The following PWWP2A variants were observed in gnomAD, a reference collection of about 807,000 sequenced individuals.
PWWP2A encodes the protein PWWP domain-containing protein 2A.
In PWWP2A, 18 loss-of-function variants were observed where a neutral mutation model predicts 48.5. The ratio of observed to expected loss-of-function variants is 0.37; its 90% CI spans 0.26 to 0.55. The LOEUF (loss-of-function observed/expected upper bound fraction) is 0.55. Ranked by LOEUF, PWWP2A falls within the 20% of genes least tolerant of loss-of-function variation. PWWP2A has a pLI of 0.81. For missense variants in PWWP2A, 867 were observed against 976.4 expected (o/e 0.89, Z 1.49); for synonymous variants, 396 against 387.7 (o/e 1.02, Z -0.25).
Position 160,077,743 on chromosome 5 carries a change from A to G in PWWP2A, c.*412T>C. The G allele has an allele frequency of 5.8e-6, 1 of 172,134 alleles. No homozygotes were observed. Among genetic ancestry groups the G allele is most frequent in the Non-Finnish European group, 1.3e-5 (1 of 79,620 alleles). The allele number at this position is 172,134 out of a possible 1,614,324, so 10.7% of individuals were successfully genotyped here. A position where few individuals can be genotyped will look rare whatever the true frequency, so the allele number is the denominator to read the frequency against. ...CTGAACTGATTAACCTAAACCTTGG[A>G]GAAAGCACAAAGTTTAAGTATGAAA... On this transcript the variant is annotated 3_prime_UTR_variant, in exon 4 of 4. Coordinates refer to the PWWP2A transcript ENST00000456329. This position sits in a 1 kb window ranked among gnomAD's most constrained non-coding sequence, Gnocchi z 4.2.
intron 2 of PWWP2A, among the ~76,000 whole-genome samples, chr5:160,083,132 C>G (rs983998351): frequency 1.3e-5 from 2 of 152,218 alleles, no homozygotes; most frequent in African/African-American, 4.8e-5. Flanking sequence ...TCTCATCTTA[C>G]AATAGCCCTT....
At chr5:160,070,177 T>C (rs910473303) in intron 2 of PWWP2A, among the ~76,000 whole-genome samples, 2 of 152,176 alleles carry the variant, frequency 1.3e-5, no homozygotes, top group African/African-American at 2.4e-5. Flanking sequence ...ACCATTTTTC[T>C]AAGAACTAGC....
downstream of PWWP2A, among the ~76,000 whole-genome samples, chr5:160,088,713 AT>A (rs1260393100): frequency 2.6e-5 from 4 of 152,184 alleles, no homozygotes; most frequent in African/African-American, 9.6e-5. Context: ...CAAAACATTA[AT>A]TTTTCTAGAC....
chr5:160,075,443 C>A (rs143048707), downstream of PWWP2A, among the ~76,000 whole-genome samples: 319 of 152,214 alleles, frequency 2.1e-3, 4 homozygotes, highest in African/African-American at 7.1e-3. Flanking sequence ...TTCCTGATAA[C>A]CAAGTGTTTC....
the PWWP2A span, among the ~76,000 whole-genome samples, chr5:160,046,112 G>T: frequency 1.3e-5 from 2 of 152,106 alleles, no homozygotes; most frequent in Admixed American, 1.3e-4. Context: ...CCATTTATCT[G>T]ATCCCTTTCA....
intron 1 of PWWP2A, among the ~76,000 whole-genome samples, chr5:160,107,863 T>A: frequency 6.6e-6 from 1 of 152,164 alleles, no homozygotes; most frequent in East Asian, 1.9e-4. Context: ...TAGCCGGATA[T>A]GGTGGCAGGC....
chr5:160,090,645 T>A, downstream of PWWP2A: 1 of 984,908 alleles, frequency 1.0e-6, no homozygotes, highest in Non-Finnish European at 1.2e-6. Context: ...GTCAATAACC[T>A]TAAGAAAGCT....
In PWWP2A at chr5:160,101,125, C is replaced by T. The variant is rs139994025; in HGVS notation, c.585-7060G>A. ...CAGCACTCTGGGAGCCTGAAGCAGG[C>T]AGACTGCTTGAGGCCAGGAGTTCAA... On this transcript the variant is annotated intron_variant, in intron 1 of 1. Coordinates refer to ENST00000307063, the MANE Select transcript of PWWP2A (RefSeq NM_001130864.2). 5.4e-3 allele frequency among the ~76,000 whole-genome samples: 818 copies of T among 152,172 alleles called. 4 individuals carry two copies. The highest frequency in any genetic ancestry group is 9.5e-3 in the Non-Finnish European group (649 of 67,988).
At chr5:160,118,487 C>A (rs1201136483) in intron 1 of PWWP2A, among the ~76,000 whole-genome samples, 2 of 151,596 alleles carry the variant, frequency 1.3e-5, no homozygotes, top group African/African-American at 4.8e-5. Flanking sequence ...CATTAACCCA[C>A]CCGCCCAGTG....
rs767420766 is a variant in PWWP2A at position 160,093,368 on chromosome 5, C to T, written c.1282G>A (p.Ala428Thr). The T allele has an allele frequency of 1.9e-6, 3 of 1,613,934 alleles. No homozygotes were observed. Among genetic ancestry groups the T allele is most frequent in the Non-Finnish European group, 2.5e-6 (3 of 1,179,836 alleles). The change falls in exon 2 of 2, where the codon GCT (alanine) becomes ACT (threonine). Residue 428 changes from alanine to threonine, a missense_variant. Coordinates refer to ENST00000307063, the MANE Select transcript of PWWP2A (RefSeq NM_001130864.2). The surrounding 1 kb of genome is among the most constrained non-coding windows in gnomAD (Gnocchi z 5.8). ...LQSKNMDHAK[A>T]REVLKIAKEK... ...TTGGCAATTTTTAACACTTCCCGAG[C>T]TTTCGCATGATCCATGTTCTTACTC...
chr5:160,118,804 C>T lies in PWWP2A; in HGVS notation c.584+1G>A, dbSNP rs1240535418. 6.8e-7 allele frequency: 1 copy of T among 1,471,846 alleles called. No homozygotes were observed. The highest frequency in any genetic ancestry group is 9.0e-7 in the Non-Finnish European group (1 of 1,108,948). The allele number at this position is 1,471,846 out of a possible 1,614,324, so 91.2% of individuals were successfully genotyped here. A position where few individuals can be genotyped will look rare whatever the true frequency, so the allele number is the denominator to read the frequency against. On this transcript the variant is annotated splice_donor_variant, in intron 1 of 1. Transcript: ENST00000307063. LOFTEE classifies it high-confidence loss of function. Reference sequence around the variant, plus strand: ...GAGGGTGCTGGGGGCGGGCGCGGTACCTTTTGGACAGATCCATGAGGACCC... The same window carrying T: ...GAGGGTGCTGGGGGCGGGCGCGGTATCTTTTGGACAGATCCATGAGGACCC...
chr5:160,094,649 C>T (rs1210818818), intron 1 of PWWP2A, among the ~76,000 whole-genome samples: 1 of 152,166 alleles, frequency 6.6e-6, no homozygotes, highest in Non-Finnish European at 1.5e-5. Flanking sequence ...ATATCAAGAA[C>T]TCAGATACTC....
chr5:160,091,160 G>C, downstream of PWWP2A: 1 of 975,484 alleles, frequency 1.0e-6, no homozygotes, highest in Non-Finnish European at 1.2e-6. Flanking sequence ...CTTATTTTGA[G>C]AATATACTGA....
chr5:160,092,893 T>C lies in PWWP2A; in HGVS notation c.1757A>G (p.Asp586Gly). ...GGAAGATTTCAAATCATCTGTGCTA[T>C]CAATGCTACACACTGAAGCACTGGA... ...DSSSASVCSI[D>G]STDDLKSSNS... Residue 586 changes from aspartate to glycine, a missense_variant, in exon 2 of 2, where the codon GAT (aspartate) becomes GGT (glycine). Asp to Gly is a moderately conservative substitution (Grantham distance 94). Coordinates refer to ENST00000307063, the MANE Select transcript of PWWP2A (RefSeq NM_001130864.2). 2 of 1,551,734 alleles carry C rather than the reference T, an allele frequency of 1.3e-6. No individual in the cohort carries two copies. Among genetic ancestry groups the C allele is most frequent in the East Asian group, 4.9e-5 (2 of 40,926 alleles).
downstream of PWWP2A, among the ~76,000 whole-genome samples, chr5:160,072,909 T>C (rs925902000): frequency 3.6e-5 from 5 of 137,814 alleles, no homozygotes; most frequent in African/African-American, 1.1e-4. Flanking sequence ...GAGGCTGAGG[T>C]GGGAGAATCA....
At chr5:160,045,454 CCACACACA>C in the PWWP2A span, among the ~76,000 whole-genome samples, 1,215 of 38,748 alleles carry the variant, frequency 0.031, 47 homozygotes, top group African/African-American at 0.039. Flanking sequence ...CCCCCACCCT[CCACACACA>C]CACACACACA....
intron 5 of PWWP2A, among the ~76,000 whole-genome samples, chr5:160,062,844 C>G (rs911975627): frequency 6.6e-6 from 1 of 152,038 alleles, no homozygotes; most frequent in African/African-American, 2.4e-5. Context: ...TTTTTCCAAC[C>G]CCAGAACAAA....
the PWWP2A span, among the ~76,000 whole-genome samples, chr5:160,050,496 T>A: frequency 6.6e-6 from 1 of 152,204 alleles, no homozygotes; most frequent in South Asian, 2.1e-4. Context: ...AAAATACAAA[T>A]ATAGCACTGT....
chr5:160,044,817 T>G, the PWWP2A span, among the ~76,000 whole-genome samples: 1 of 152,222 alleles, frequency 6.6e-6, no homozygotes. Context: ...AGCCTTATTT[T>G]ACCCAGCCCC....
Sources: gnomAD v4.1 joint callset for allele counts (sites outside exome capture counted in the v4.1 genomes callset) on GRCh38, gnomAD v4.1.1 for gene constraint, Gnocchi (gnomAD v3.1) non-coding constraint, MANE v1.5 for transcripts, NCBI Gene and HGNC (gene_info 2026-07-23, HGNC 2026-07-21) for gene names.